The following LTA4H variants were observed in gnomAD, a reference collection of about 807,000 sequenced individuals.
The protein encoded by LTA4H is leukotriene A4 hydrolase, also known as leukotriene A-4 hydrolase.
A neutral mutation model predicts 89.8 loss-of-function variants in LTA4H; 59 were observed. The ratio of observed to expected loss-of-function variants is 0.66; its 90% confidence interval spans 0.53 to 0.82. The LOEUF (loss-of-function observed/expected upper bound fraction) is 0.82, where lower values mean the gene tolerates loss of function less well. LTA4H is among the 40% of genes least tolerant of loss of function. The probability of loss-of-function intolerance (pLI) is 0.00; values close to 1 mark genes in which losing one functional copy is unlikely to be tolerated. For missense variants in LTA4H, 617 were observed against 727.0 expected (o/e 0.85, Z 1.74); for synonymous variants, 227 against 253.1 (o/e 0.90, Z 0.98).
At chr12:96,012,615 G>A (rs1357700436) in intron 14 of LTA4H, 1 of 152,730 alleles carries the variant, frequency 6.5e-6, no homozygotes, top group Non-Finnish European at 1.5e-5. Flanking sequence ...TAAGGCTGAG[G>A]TAGGAGGATC....
At chr12:96,024,879 G>C (rs1950496195) in intron 3 of LTA4H, among the ~76,000 whole-genome samples, 1 of 152,094 alleles carries the variant, frequency 6.6e-6, no homozygotes, top group Non-Finnish European at 1.5e-5. Context: ...TGTTGATCAG[G>C]CTGGTCTCGA....
Position 96,024,495 on chromosome 12 carries a change from AATTTCACAGAAG to A in LTA4H, c.452_463del (p.Pro151_Lys154del). On this transcript the variant is annotated inframe_deletion, in exon 4 of 19. Transcript: ENST00000228740. ...AATATTTACCTCTGCAGTATAGGTT[AATTTCACAGAAG>A]GAGTGTCCTGACAAGGAAGGATTGC... 6.2e-7 allele frequency: 1 copy of A among 1,608,586 alleles called. No individual in the cohort carries two copies. Among genetic ancestry groups the A allele is most frequent in the Non-Finnish European group, 8.5e-7 (1 of 1,175,224 alleles).
In LTA4H at chr12:96,003,004, C is replaced by G; in HGVS notation, c.1674G>C (p.Met558Ile). 6.2e-7 allele frequency: 1 copy of G among 1,606,064 alleles called. No individual in the cohort carries two copies. Among genetic ancestry groups the G allele is most frequent in the Non-Finnish European group, 8.5e-7 (1 of 1,175,886 alleles). ...ACTTCATTCTTCCTTGTTCAGTTGC[C>G]ATCTTTAGCGCCAAAGGAATTGCGT... is the stretch of plus-strand genomic sequence containing the variant. ...WEDAIPLALK[M>I]ATEQGRMKFT... The change falls in exon 18 of 19, where the codon ATG becomes ATC. Residue 558 changes from methionine to isoleucine, a missense_variant. Coordinates refer to ENST00000228740, the MANE Select transcript of LTA4H (RefSeq NM_000895.3).
At chr12:96,003,653 T>C (rs771071081) in intron 17 of LTA4H, 185 bp downstream of exon 17, 28 of 375,746 alleles carry the variant, frequency 7.5e-5, no homozygotes, top group Non-Finnish European at 1.2e-4. Flanking sequence ...AAAAGATTAA[T>C]ACTACCAGAT....
At chr12:96,020,970 G>A in intron 6 of LTA4H, 115 bp downstream of exon 6, 2 of 784,756 alleles carry the variant, frequency 2.5e-6, no homozygotes, top group Middle Eastern at 2.3e-4. Flanking sequence ...TTCTAGAGCT[G>A]TCAGCTTGAT....
upstream of LTA4H, among the ~76,000 whole-genome samples, chr12:96,035,945 G>A (rs1292640675): frequency 1.3e-5 from 2 of 152,132 alleles, no homozygotes; most frequent in Non-Finnish European, 2.9e-5. Context: ...CAGGTTCATT[G>A]GTGTTTGCAT....
intron 14 of LTA4H, chr12:96,010,416 A>G (rs570265316): frequency 6.6e-6 from 1 of 152,340 alleles, no homozygotes; most frequent in South Asian, 2.1e-4. Context: ...ATATAGCACT[A>G]AAAAGCCCTA....
At chr12:96,040,290 T>C (rs573905237), upstream of LTA4H, among the ~76,000 whole-genome samples, 1 of 152,336 alleles carries the variant, frequency 6.6e-6, no homozygotes, top group Admixed American at 6.5e-5. Context: ...CTCAATAATC[T>C]GCCTTTCTTC....
At chr12:96,020,206 G>A (rs1990611) in intron 6 of LTA4H, among the ~76,000 whole-genome samples, 73,131 of 152,042 alleles carry the variant, frequency 0.48, 19,087 homozygotes, top group African/African-American at 0.7. Context: ...AGCCCAGCCT[G>A]TAAGACTATT....
chr12:96,035,414 T>C lies in LTA4H; in HGVS notation c.106A>G (p.Thr36Ala). 6.2e-7 allele frequency: 1 copy of C among 1,611,246 alleles called. No individual in the cohort carries two copies. The stretch of plus-strand genomic sequence containing the variant: ...TGGACCGTGAGAGCAGCAGTCCCGG[T>C]CAGCGTCCGGCGAGTAAAGTCGACG... ...CSVDFTRRTLTGTAALTVQSQ... is the reference protein window; with the variant it reads ...CSVDFTRRTLAGTAALTVQSQ... Residue 36 changes from threonine (T) to alanine (A), a missense_variant, in exon 1 of 19, where the codon ACC (threonine) becomes GCC (alanine). Physicochemically the swap from Thr to Ala is moderately conservative, Grantham distance 58 (BLOSUM62 0). Transcript: ENST00000228740.
intron 3 of LTA4H, among the ~76,000 whole-genome samples, chr12:96,025,759 C>G (rs1012606452): frequency 6.6e-6 from 1 of 150,870 alleles, no homozygotes; most frequent in Non-Finnish European, 1.5e-5. Flanking sequence ...CCCAGGAGTT[C>G]TAGGCTGCAG....
chr12:96,043,180 T>C (rs927513204), intron 1 of LTA4H: 38 of 761,610 alleles, frequency 5.0e-5, no homozygotes, highest in Admixed American at 2.0e-4. Context: ...CCTGCAGTAG[T>C]TGGCAAAGTG....
intron 2 of LTA4H, among the ~76,000 whole-genome samples, chr12:96,028,313 T>C (rs1950534720): frequency 6.6e-6 from 1 of 152,166 alleles, no homozygotes; most frequent in African/African-American, 2.4e-5. Context: ...TGCCACAGTT[T>C]CCTTGTAGAA....
intron 17 of LTA4H, chr12:96,003,593 A>ATT: frequency 2.1e-4 from 54 of 253,172 alleles, no homozygotes; most frequent in Middle Eastern, 1.2e-3. Context: ...CTTCATTCTA[A>ATT]TTTTTTTTTT....
At chr12:96,024,644 A>G in intron 3 of LTA4H, 97 bp from the exon 4 acceptor site, 2 of 755,228 alleles carry the variant, frequency 2.6e-6, no homozygotes, top group South Asian at 3.2e-5. Context: ...AGACATTAAA[A>G]TAAAAACAGT....
At chr12:96,029,257 T>TACA (rs532720198) in intron 1 of LTA4H, 72 bp from the exon 2 acceptor site, 20 of 792,648 alleles carry the variant, frequency 2.5e-5, no homozygotes, top group Admixed American at 3.0e-5. Flanking sequence ...AGATATAGGC[T>TACA]ACAACAACTA....
At chr12:96,003,662 A>G in intron 17 of LTA4H, 176 bp downstream of exon 17, 1 of 395,884 alleles carries the variant, frequency 2.5e-6, no homozygotes, top group East Asian at 3.9e-5. Flanking sequence ...ATACTACCAG[A>G]TTACATATTG....
chr12:96,020,956 AT>A, intron 6 of LTA4H, 128 bp downstream of exon 6: 1 of 713,420 alleles, frequency 1.4e-6, no homozygotes, highest in Non-Finnish European at 2.4e-6. Flanking sequence ...TTAGATTTGA[AT>A]TTTTCTAGAG....
At chr12:96,013,463 G>C (rs574979148) in intron 13 of LTA4H, among the ~76,000 whole-genome samples, 1 of 152,198 alleles carries the variant, frequency 6.6e-6, no homozygotes, top group East Asian at 1.9e-4. Flanking sequence ...TTTGATATAT[G>C]TACTCAATGT....
Sources: allele counts gnomAD v4.1 joint callset (sites outside exome capture counted in the v4.1 genomes callset), GRCh38; gene constraint gnomAD v4.1.1; transcripts MANE v1.5; gene names NCBI Gene and HGNC (gene_info 2026-07-23, HGNC 2026-07-21).